The following ROBO2 variants were observed in gnomAD, a reference collection of about 807,000 sequenced individuals.
The protein encoded by ROBO2 is roundabout homolog 2.
ROBO2 carries 53 observed loss-of-function variants against 160.8 expected under a neutral mutation model. The observed-to-expected ratio is 0.33, with a 90% CI of 0.26 to 0.41. The LOEUF is 0.41. Among genes scored for constraint, ROBO2 ranks in the 10% least tolerant of loss-of-function variants. The pLI, the probability that ROBO2 is intolerant of heterozygous loss-of-function variation, is 1.00. For missense variants in ROBO2, 1,577 were observed against 1,722.4 expected, an observed-to-expected ratio of 0.92 and a Z score of 1.49; for synonymous variants, 664 against 611.7, an observed-to-expected ratio of 1.09 and a Z score of -1.26.
chr3:76,328,097 G>C (rs1488636058), intron 2 of ROBO2, among the ~76,000 whole-genome samples: 1 of 152,108 alleles, frequency 6.6e-6, no homozygotes, highest in South Asian at 2.1e-4. Context: ...CCAGATTTCA[G>C]ATCAACATAT....
chr3:77,288,934 C>A (rs1560436581), intron 2 of ROBO2, among the ~76,000 whole-genome samples: 1 of 152,058 alleles, frequency 6.6e-6, no homozygotes, highest in South Asian at 2.1e-4. Flanking sequence ...AATATATTTA[C>A]GGCACCATGT....
At chr3:77,251,866 C>T (rs1035294144) in intron 2 of ROBO2, among the ~76,000 whole-genome samples, 2 of 152,116 alleles carry the variant, frequency 1.3e-5, no homozygotes, top group African/African-American at 2.4e-5. Flanking sequence ...AGTGGAACTG[C>T]GAGTCCGTTA....
At chr3:76,935,495 T>C (rs2077639405) in intron 2 of ROBO2, among the ~76,000 whole-genome samples, 1 of 152,226 alleles carries the variant, frequency 6.6e-6, no homozygotes, top group African/African-American at 2.4e-5. Flanking sequence ...CCTCAGTTTT[T>C]CTTTGTCTTT....
intron 2 of ROBO2, among the ~76,000 whole-genome samples, chr3:76,956,551 T>C (rs537902604): frequency 6.7e-4 from 87 of 130,008 alleles, no homozygotes; most frequent in African/African-American, 2.7e-3. Context: ...AGCGAGACTC[T>C]GTCTCAAAAA....
chr3:76,863,455 A>AAAAAAAAAAAG (rs1553665913), intron 2 of ROBO2, among the ~76,000 whole-genome samples: 2 of 150,828 alleles, frequency 1.3e-5, no homozygotes, highest in African/African-American at 4.9e-5. Context: ...AAGAAAAAAG[A>AAAAAAAAAAAG]AAAGAAAAGA....
intron 5 of ROBO2, among the ~76,000 whole-genome samples, chr3:77,521,634 G>C (rs1202622309): frequency 2.0e-5 from 3 of 151,142 alleles, no homozygotes; most frequent in African/African-American, 7.3e-5. Flanking sequence ...GAAGAGTAAG[G>C]GTAGTTAAGT....
chr3:76,841,644 C>T (rs372363627), intron 2 of ROBO2, among the ~76,000 whole-genome samples: 1 of 152,162 alleles, frequency 6.6e-6, no homozygotes, highest in East Asian at 1.9e-4. Context: ...ATAGGCACCA[C>T]TATTAGTAAC....
At chr3:77,598,484 T>A (rs1204553262) in intron 19 of ROBO2, among the ~76,000 whole-genome samples, 2 of 135,108 alleles carry the variant, frequency 1.5e-5, no homozygotes, top group South Asian at 4.5e-4. Context: ...ATTTATATAG[T>A]GTGTATATAT....
intron 2 of ROBO2, among the ~76,000 whole-genome samples, chr3:76,651,562 A>G (rs2109888495): frequency 6.6e-6 from 1 of 152,186 alleles, no homozygotes; most frequent in Admixed American, 6.5e-5. Flanking sequence ...ATGTATATGT[A>G]AAGAGTGGCC....
At chr3:76,188,752 G>T (rs1407859661) in intron 2 of ROBO2, among the ~76,000 whole-genome samples, 1 of 152,086 alleles carries the variant, frequency 6.6e-6, no homozygotes, top group African/African-American at 2.4e-5. Flanking sequence ...CTGTTTTGGT[G>T]ATAGTGGTTT....
chr3:77,032,489 A>G (rs2063382974), intron 2 of ROBO2, among the ~76,000 whole-genome samples: 1 of 152,178 alleles, frequency 6.6e-6, no homozygotes, highest in African/African-American at 2.4e-5. Flanking sequence ...CTTTATTTTT[A>G]TAATATTAAC....
At chr3:76,144,488 A>G (rs1158427774) in intron 2 of ROBO2, among the ~76,000 whole-genome samples, 1 of 152,054 alleles carries the variant, frequency 6.6e-6, no homozygotes, top group Non-Finnish European at 1.5e-5. Context: ...AATTAGTTAT[A>G]TAAAAAGAAA....
chr3:76,365,456 G>A (rs377175785), intron 2 of ROBO2, among the ~76,000 whole-genome samples: 5 of 152,020 alleles, frequency 3.3e-5, no homozygotes, highest in African/African-American at 1.2e-4. Context: ...CATGCTTTTC[G>A]CTATGCAGAG....
intron 2 of ROBO2, among the ~76,000 whole-genome samples, chr3:76,269,066 G>C (rs1171090212): frequency 6.6e-6 from 1 of 152,020 alleles, no homozygotes; most frequent in Non-Finnish European, 1.5e-5. Flanking sequence ...CAAAAATATA[G>C]TTAGATAGAA....
chr3:76,482,708 T>A lies in ROBO2; in HGVS notation c.109+545106T>A, dbSNP rs186554750. Among the ~76,000 whole-genome samples, 686 of 152,294 alleles carry A rather than the reference T, an allele frequency of 4.5e-3. 13 individuals carry two copies. Among genetic ancestry groups the A allele is most frequent in the Admixed American group, 0.029 (444 of 15,278 alleles). ...TGACCCAATTTTCCATTTTGCTTAA[T>A]AAGCACATTACAGTGAATCACTGAT... On this transcript the variant is annotated intron_variant, in intron 2 of 26. Transcript: ENST00000487694.
intron 2 of ROBO2, among the ~76,000 whole-genome samples, chr3:77,289,806 C>T (rs1228966055): frequency 5.9e-5 from 9 of 151,710 alleles, no homozygotes; most frequent in African/African-American, 1.9e-4. Flanking sequence ...TCACCAAAGA[C>T]ATAAAGTAAA....
intron 2 of ROBO2, among the ~76,000 whole-genome samples, chr3:76,993,904 T>A (rs73106487): frequency 0.19 from 28,292 of 151,432 alleles, 2,740 homozygotes; most frequent in African/African-American, 0.2. Flanking sequence ...AACAAAACAT[T>A]GTAAGAATAG....
At chr3:77,269,798 T>G (rs1340611934) in intron 2 of ROBO2, among the ~76,000 whole-genome samples, 1 of 152,166 alleles carries the variant, frequency 6.6e-6, no homozygotes, top group East Asian at 1.9e-4. Flanking sequence ...AAAGTCTCCA[T>G]AGTTTTCAGA....
intron 2 of ROBO2, among the ~76,000 whole-genome samples, chr3:76,447,921 T>C: frequency 6.8e-6 from 1 of 147,812 alleles, no homozygotes; most frequent in Admixed American, 6.8e-5. Context: ...AGGGATAGCA[T>C]TAGGAGATAT....
Sources: allele counts gnomAD v4.1 joint callset (sites outside exome capture counted in the v4.1 genomes callset), GRCh38; gene constraint gnomAD v4.1.1; transcripts MANE v1.5; gene names NCBI Gene and HGNC (gene_info 2026-07-23, HGNC 2026-07-21).